The following TSC22D3 variants were observed in gnomAD, a reference collection of about 807,000 sequenced individuals.
TSC22D3 encodes TSC22 domain family protein 3.
In TSC22D3, 4 loss-of-function variants were observed where a neutral mutation model predicts 11.1. The observed-to-expected ratio is 0.36, with a 90% CI of 0.18 to 0.83. The LOEUF is 0.83. Ranked by LOEUF, TSC22D3 falls within the 40% of genes least tolerant of loss-of-function variation. TSC22D3 has a pLI of 0.48. For synonymous variants in TSC22D3, 77 were observed against 70.3 expected, an observed-to-expected ratio of 1.10 and a Z score of -0.48; for missense variants, 118 against 159.4, an observed-to-expected ratio of 0.74 and a Z score of 1.40.
At chrX:107,760,542 C>T (rs1474107942) in intron 1 of TSC22D3, among the ~76,000 whole-genome samples, 1 of 112,241 alleles carries the variant, frequency 8.9e-6, no homozygotes, top group Non-Finnish European at 1.9e-5. Context: ...AAGGGTCAGG[C>T]AGATGGCTGA....
chrX:107,756,415 AAGTT>A (rs1351147580), intron 1 of TSC22D3, among the ~76,000 whole-genome samples: 8 of 112,609 alleles, frequency 7.1e-5, no homozygotes, highest in Non-Finnish European at 1.3e-4. Flanking sequence ...TAGAAAAACA[AAGTT>A]AGTCCACGTA....
At position 107,775,436 on chromosome X, in the gene TSC22D3, G is replaced by T. The variant is rs748034391; in HGVS notation, c.-17C>A. ...CTGGGCCATCTTCTCAGGCTCGGAG[G>T]TCGCCTGGCCTGCGAGGTCAGGGGC... On this transcript the variant is annotated 5_prime_UTR_variant, in exon 1 of 3. Transcript: ENST00000372383. 8.7e-7 allele frequency: 1 copy of T among 1,153,810 alleles called. No individual in the cohort carries two copies. Among genetic ancestry groups the T allele is most frequent in the South Asian group, 2.0e-5 (1 of 50,445 alleles).
At chrX:107,752,151 G>C (rs1468969024) in intron 1 of TSC22D3, among the ~76,000 whole-genome samples, 1 of 111,896 alleles carries the variant, frequency 8.9e-6, no homozygotes, top group Non-Finnish European at 1.9e-5. Flanking sequence ...GTGCTAGAAG[G>C]GAGAAGGAGT....
At chrX:107,748,153 A>C (rs1315959589) in intron 1 of TSC22D3, among the ~76,000 whole-genome samples, 1 of 111,960 alleles carries the variant, frequency 8.9e-6, no homozygotes, top group African/African-American at 3.3e-5. Flanking sequence ...TAAATAGTGG[A>C]AAACTCAATG....
At chrX:107,743,688 C>T (rs1304793630) in intron 1 of TSC22D3, among the ~76,000 whole-genome samples, 1 of 112,031 alleles carries the variant, frequency 8.9e-6, no homozygotes, top group Non-Finnish European at 1.9e-5. Context: ...ATGTAGGGCT[C>T]GATGTCAAGC....
intron 1 of TSC22D3, among the ~76,000 whole-genome samples, chrX:107,764,088 C>T (rs1004960325): frequency 1.8e-5 from 2 of 112,597 alleles, no homozygotes; most frequent in African/African-American, 6.4e-5. Context: ...AATATAACTT[C>T]TCCAGGAAGG....
At chrX:107,723,536 C>G (rs950219501) in intron 1 of TSC22D3, among the ~76,000 whole-genome samples, 1 of 112,415 alleles carries the variant, frequency 8.9e-6, no homozygotes. Flanking sequence ...CAAACAGGCT[C>G]CCTCGTCACA....
intron 1 of TSC22D3, among the ~76,000 whole-genome samples, chrX:107,768,306 C>G (rs1275246304): frequency 8.9e-6 from 1 of 112,065 alleles, no homozygotes; most frequent in Non-Finnish European, 1.9e-5. Context: ...CATCCATCTC[C>G]ATTTTACCCA....
intron 1 of TSC22D3, among the ~76,000 whole-genome samples, chrX:107,746,927 G>A (rs753902304): frequency 8.9e-6 from 1 of 112,537 alleles, no homozygotes; most frequent in South Asian, 3.6e-4. Context: ...AGTCCATCAA[G>A]GACATTTGAA....
chrX:107,744,208 A>G (rs1928553574), intron 1 of TSC22D3, among the ~76,000 whole-genome samples: 1 of 112,081 alleles, frequency 8.9e-6, no homozygotes, highest in Non-Finnish European at 1.9e-5. Flanking sequence ...CCTCTCTGAC[A>G]TGGCCAACCT....
At chrX:107,727,606 G>A (rs1212282854) in intron 1 of TSC22D3, among the ~76,000 whole-genome samples, 1 of 110,835 alleles carries the variant, frequency 9.0e-6, no homozygotes, top group Non-Finnish European at 1.9e-5. Context: ...TTTGGAGAGC[G>A]AAAAAAAGGG....
At chrX:107,768,677 C>G (rs1012755552) in intron 1 of TSC22D3, among the ~76,000 whole-genome samples, 2 of 112,736 alleles carry the variant, frequency 1.8e-5, no homozygotes, top group Admixed American at 1.9e-4. Flanking sequence ...CTCTACCTCT[C>G]TCCTCCAAAG....
At chrX:107,756,642 G>A (rs1929192688) in intron 1 of TSC22D3, among the ~76,000 whole-genome samples, 1 of 112,468 alleles carries the variant, frequency 8.9e-6, no homozygotes, top group Non-Finnish European at 1.9e-5. Context: ...CAGGGCCAGG[G>A]CACCGGCCGT....
At chrX:107,719,601 G>T (rs985073340) in intron 1 of TSC22D3, among the ~76,000 whole-genome samples, 7 of 112,079 alleles carry the variant, frequency 6.2e-5, no homozygotes, top group Middle Eastern at 4.2e-3. Context: ...GCAGCCCAGG[G>T]TCTTCCTGAC....
At chrX:107,760,263 T>C (rs1929378526) in intron 1 of TSC22D3, among the ~76,000 whole-genome samples, 1 of 112,750 alleles carries the variant, frequency 8.9e-6, no homozygotes, top group Admixed American at 9.3e-5. Flanking sequence ...ACCCAAATCA[T>C]TGGTCAATTC....
At chrX:107,750,473 C>T (rs956518772) in intron 1 of TSC22D3, among the ~76,000 whole-genome samples, 5 of 111,222 alleles carry the variant, frequency 4.5e-5, no homozygotes, top group African/African-American at 1.6e-4. Context: ...CTGGAAGTGG[C>T]GGGCAAGAAG....
chrX:107,752,861 C>T (rs1928997402), intron 1 of TSC22D3, among the ~76,000 whole-genome samples: 1 of 111,707 alleles, frequency 9.0e-6, no homozygotes, highest in South Asian at 3.8e-4. Context: ...AGCAAGAGAT[C>T]CCATAGCCAA....
At chrX:107,764,802 C>T (rs891548201) in intron 1 of TSC22D3, among the ~76,000 whole-genome samples, 1 of 111,641 alleles carries the variant, frequency 9.0e-6, no homozygotes, top group Non-Finnish European at 1.9e-5. Context: ...TCCTCTGGTG[C>T]CCACCCTCGA....
chrX:107,739,094 C>T (rs951362875), intron 1 of TSC22D3, among the ~76,000 whole-genome samples: 8 of 113,160 alleles, frequency 7.1e-5, no homozygotes, highest in African/African-American at 2.6e-4. Flanking sequence ...GGACTCTCTT[C>T]CCTTACACCA....
Sources: allele counts gnomAD v4.1 joint callset (sites outside exome capture counted in the v4.1 genomes callset), GRCh38; gene constraint gnomAD v4.1.1; transcripts MANE v1.5; gene names NCBI Gene and HGNC (gene_info 2026-07-23, HGNC 2026-07-21).